The following KAZN variants were observed in gnomAD, a reference collection of about 807,000 sequenced individuals.
KAZN encodes the protein kazrin.
Under a neutral mutation model 87.4 loss-of-function variants are expected in KAZN, and 40 were observed. The observed-to-expected ratio is 0.46, with a 90% confidence interval of 0.36 to 0.60. KAZN has a LOEUF of 0.60. KAZN is among the 20% of genes least tolerant of loss of function. KAZN has a pLI of 0.00. For missense variants in KAZN, 898 were observed against 1,073.9 expected (o/e 0.84, Z 2.29); for synonymous variants, 466 against 458.3 (o/e 1.02, Z -0.22).
At chr1:14,061,923 T>G (rs1557442912) in intron 1 of KAZN, among the ~76,000 whole-genome samples, 1 of 152,126 alleles carries the variant, frequency 6.6e-6, no homozygotes, top group Non-Finnish European at 1.5e-5. Context: ...CAAATGGACT[T>G]GCTTATGGAC....
At chr1:14,665,115 C>A (rs143018227) in intron 1 of KAZN, among the ~76,000 whole-genome samples, 184 of 152,314 alleles carry the variant, frequency 1.2e-3, no homozygotes, top group African/African-American at 4.3e-3. Flanking sequence ...GCTGCCCCAA[C>A]AAAGATGGTC....
intron 13 of KAZN, 89 bp downstream of exon 13, chr1:15,104,278 G>A: frequency 1.5e-6 from 2 of 1,304,154 alleles, no homozygotes; most frequent in Non-Finnish European, 2.1e-6. Flanking sequence ...TCCCCATCCT[G>A]GCCCATCACT....
At chr1:14,635,791 G>A (rs943065250) in intron 1 of KAZN, among the ~76,000 whole-genome samples, 1 of 152,182 alleles carries the variant, frequency 6.6e-6, no homozygotes, top group African/African-American at 2.4e-5. Flanking sequence ...TATCCAGTGG[G>A]TGGAGGCCAG....
At chr1:14,007,250 G>A (rs1211420610) in intron 1 of KAZN, among the ~76,000 whole-genome samples, 1 of 152,064 alleles carries the variant, frequency 6.6e-6, no homozygotes, top group Non-Finnish European at 1.5e-5. Flanking sequence ...TAGTCTTTAA[G>A]GTTTTCCATA....
At chr1:14,873,686 A>G (rs144114375) in intron 1 of KAZN, among the ~76,000 whole-genome samples, 4 of 152,312 alleles carry the variant, frequency 2.6e-5, no homozygotes, top group African/African-American at 9.6e-5. Context: ...ATTGGATCTG[A>G]CATATATTTA....
chr1:14,411,872 A>C (rs1183940451), intron 2 of KAZN, among the ~76,000 whole-genome samples: 1 of 152,252 alleles, frequency 6.6e-6, no homozygotes, highest in Non-Finnish European at 1.5e-5. Context: ...TGGTCTTTGT[A>C]TTCAGAAGCA....
Position 14,874,470 on chromosome 1 carries a change from C to CTGGATGGATGGA in KAZN, c.227-86173_227-86162dup, listed in dbSNP as rs58006026. ...CATGAATCGCTAGCTAGCTGGCTGACTGGATGGATGGATGGATGGATGGAT... is the reference window on the plus strand; with the variant it reads ...CATGAATCGCTAGCTAGCTGGCTGACTGGATGGATGGATGGATGGATGGATGGATGGATGGAT... On this transcript the variant is annotated intron_variant, in intron 1 of 14. Coordinates refer to ENST00000376030, the MANE Select transcript of KAZN (RefSeq NM_201628.3). Among the ~76,000 whole-genome samples, 1,388 of 148,092 alleles carry CTGGATGGATGGA rather than the reference C, an allele frequency of 9.4e-3. 16 individuals are homozygous for CTGGATGGATGGA. The highest frequency in any genetic ancestry group is 0.031 in the Admixed American group (453 of 14,698).
chr1:14,071,441 T>G (rs898958111), intron 1 of KAZN, among the ~76,000 whole-genome samples: 15 of 152,132 alleles, frequency 9.9e-5, no homozygotes, highest in Non-Finnish European at 1.8e-4. Context: ...GTACAAAGGG[T>G]TGCTACAGTC....
At chr1:14,412,566 A>G (rs75154708) in intron 2 of KAZN, among the ~76,000 whole-genome samples, 1 of 152,188 alleles carries the variant, frequency 6.6e-6, no homozygotes, top group Non-Finnish European at 1.5e-5. Context: ...GTCTAGGAAT[A>G]AACTTTTATG....
chr1:14,547,587 A>G (rs543953790), intron 2 of KAZN, among the ~76,000 whole-genome samples: 1 of 152,250 alleles, frequency 6.6e-6, no homozygotes, highest in South Asian at 2.1e-4. Context: ...TTTTAAAATA[A>G]CGCTGTTGTT....
intron 1 of KAZN, among the ~76,000 whole-genome samples, chr1:14,120,384 C>A (rs1184275032): frequency 6.6e-6 from 1 of 151,984 alleles, no homozygotes; most frequent in African/African-American, 2.4e-5. Flanking sequence ...CATGAGAAAC[C>A]ACCCCCACGA....
exon 1 of KAZN, chr1:13,893,007 CCCGTGCGGCCCGCG>C (rs1638894747): frequency 6.6e-6 from 1 of 151,632 alleles, no homozygotes; most frequent in African/African-American, 2.4e-5. Context: ...CTGCACCGCG[CCCGTGCGGCCCGCG>C]CCGCCCGCCT....
intron 2 of KAZN, among the ~76,000 whole-genome samples, chr1:14,550,032 A>C (rs1340649730): frequency 6.6e-6 from 1 of 152,234 alleles, no homozygotes; most frequent in Non-Finnish European, 1.5e-5. Context: ...TCCCTTCTGC[A>C]ATTAATTTAG....
rs140092744 is a variant in KAZN at position 14,211,175 on chromosome 1, G to A, written c.249+30583G>A. Among the ~76,000 whole-genome samples the A allele has an allele frequency of 2.3e-4, 35 of 152,154 alleles. No homozygotes were observed. In the East Asian group the frequency reaches 4.8e-3, roughly 21 times the overall value. The stretch of plus-strand genomic sequence containing the variant: ...GAAGTCTTTGGATTTGAATCACAGT[G>A]TTCAACTATTTGTCCACAATTCAAA... On this transcript the variant is annotated intron_variant, in intron 2 of 16. Coordinates refer to the KAZN transcript ENST00000636203.
At chr1:14,711,934 C>T (rs1366329529) in intron 1 of KAZN, among the ~76,000 whole-genome samples, 3 of 152,298 alleles carry the variant, frequency 2.0e-5, no homozygotes, top group East Asian at 1.9e-4. Context: ...GCTTGTTACA[C>T]GCAGTAGATA....
chr1:14,837,351 C>T (rs1018357667), intron 1 of KAZN, among the ~76,000 whole-genome samples: 72 of 152,124 alleles, frequency 4.7e-4, no homozygotes, highest in African/African-American at 1.7e-3. Context: ...AGGCAGGCGC[C>T]ACCATGCCCT....
At chr1:14,112,761 A>T (rs1272368077) in intron 1 of KAZN, among the ~76,000 whole-genome samples, 2 of 152,212 alleles carry the variant, frequency 1.3e-5, no homozygotes, top group Non-Finnish European at 2.9e-5. Flanking sequence ...CTTGGCACTG[A>T]TGACTAGGCT....
chr1:14,685,599 G>T (rs1048960027), intron 1 of KAZN, among the ~76,000 whole-genome samples: 1 of 152,218 alleles, frequency 6.6e-6, no homozygotes, highest in African/African-American at 2.4e-5. Context: ...CAAATCGTTC[G>T]CCTGCTCAGA....
intron 1 of KAZN, among the ~76,000 whole-genome samples, chr1:14,916,149 T>C (rs1353639493): frequency 6.7e-6 from 1 of 149,808 alleles, no homozygotes; most frequent in Admixed American, 6.9e-5. Context: ...TATTATTATT[T>C]GTAGTATTTT....
Sources: gnomAD v4.1 joint callset for allele counts (sites outside exome capture counted in the v4.1 genomes callset) on GRCh38, gnomAD v4.1.1 for gene constraint, MANE v1.5 for transcripts, NCBI Gene and HGNC (gene_info 2026-07-23, HGNC 2026-07-21) for gene names.